The following HSD17B12 variants were observed in gnomAD, a reference collection of about 807,000 sequenced individuals.
HSD17B12 encodes the protein hydroxysteroid 17-beta dehydrogenase 12.
In HSD17B12, 32 loss-of-function variants were observed where a neutral mutation model predicts 39.3. The ratio of observed to expected loss-of-function variants is 0.81; its 90% confidence interval spans 0.61 to 1.09. The LOEUF is 1.09. Ranked by LOEUF, HSD17B12 falls within the 50% of genes least tolerant of loss-of-function variation. The probability of loss-of-function intolerance (pLI) is 0.00; values close to 1 mark genes in which losing one functional copy is unlikely to be tolerated. For synonymous variants in HSD17B12, 150 were observed against 146.7 expected (o/e 1.02, Z -0.16); for missense variants, 342 against 382.9 (o/e 0.89, Z 0.89).
intron 1 of HSD17B12, among the ~76,000 whole-genome samples, chr11:43,741,106 A>T (rs957741993): frequency 6.6e-6 from 1 of 152,158 alleles, no homozygotes; most frequent in African/African-American, 2.4e-5. Context: ...GAAAATTGGT[A>T]TTATAAGGGT....
intron 1 of HSD17B12, among the ~76,000 whole-genome samples, chr11:43,713,488 A>G (rs1038911875): frequency 2.0e-5 from 3 of 151,976 alleles, no homozygotes; most frequent in Admixed American, 6.6e-5. Context: ...ATAGTATTCC[A>G]TGGTGTATAT....
chr11:43,755,227 C>T (rs1234505074), intron 3 of HSD17B12: 2 of 191,410 alleles, frequency 1.0e-5, no homozygotes, highest in African/African-American at 4.6e-5. Context: ...AGTAAAATTA[C>T]TTCTTTGAAA....
At chr11:43,742,139 A>ATATTTTT (rs61178234) in intron 1 of HSD17B12, among the ~76,000 whole-genome samples, 11 of 123,506 alleles carry the variant, frequency 8.9e-5, no homozygotes, top group African/African-American at 1.8e-4. Context: ...ATATATATAT[A>ATATTTTT]TTTTTTTTTT....
At chr11:43,562,606 G>C in the HSD17B12 span, among the ~76,000 whole-genome samples, 1 of 152,182 alleles carries the variant, frequency 6.6e-6, no homozygotes, top group African/African-American at 2.4e-5. Context: ...TCAGAAAAAT[G>C]ACTTGGGAAC....
chr11:43,657,751 G>C, the HSD17B12 span, among the ~76,000 whole-genome samples: 15 of 152,326 alleles, frequency 9.8e-5, no homozygotes, highest in East Asian at 2.9e-3. Context: ...CTGGCTTATA[G>C]AGTTTCTGCT....
chr11:43,815,881 A>G (rs1951117739), intron 5 of HSD17B12, among the ~76,000 whole-genome samples: 1 of 152,194 alleles, frequency 6.6e-6, no homozygotes. Flanking sequence ...ATATACAGCA[A>G]CGTGGTTGAT....
chr11:43,681,205 C>G, intron 1 of HSD17B12: 1 of 1,295,864 alleles, frequency 7.7e-7, no homozygotes, highest in Non-Finnish European at 9.9e-7. Context: ...ACTGCTCGCT[C>G]AATCCTGGGA....
chr11:43,677,214 A>G (rs1397333115), upstream of HSD17B12, among the ~76,000 whole-genome samples: 7 of 152,174 alleles, frequency 4.6e-5, no homozygotes, highest in Non-Finnish European at 1.0e-4. Context: ...CTCAAATTGA[A>G]TCTTATCAAA....
chr11:43,777,808 A>G (rs1018074292), intron 3 of HSD17B12, among the ~76,000 whole-genome samples: 1 of 152,226 alleles, frequency 6.6e-6, no homozygotes, highest in Non-Finnish European at 1.5e-5. Context: ...ACAACATACC[A>G]GAATCTCTGG....
At chr11:43,661,471 C>T in the HSD17B12 span, among the ~76,000 whole-genome samples, 9 of 152,246 alleles carry the variant, frequency 5.9e-5, no homozygotes, top group East Asian at 1.2e-3. Context: ...AAAAAGTGTT[C>T]GTGCAATTTA....
intron 4 of HSD17B12, among the ~76,000 whole-genome samples, chr11:43,799,907 C>A (rs769355304): frequency 6.6e-6 from 1 of 152,202 alleles, no homozygotes; most frequent in Admixed American, 6.5e-5. Flanking sequence ...CCATATCACA[C>A]ATCACCATGC....
Position 43,705,292 on chromosome 11 carries a change from A to C in HSD17B12, c.160+24305A>C, listed in dbSNP as rs530905136. On this transcript the variant is annotated intron_variant, in intron 1 of 10. Transcript: ENST00000278353. Reference sequence around the variant, plus strand: ...AGGTTTATACTTTATAAAACCAAAGAGTAGAGGTATGTGGGAATTGTCTTA... The same window carrying C: ...AGGTTTATACTTTATAAAACCAAAGCGTAGAGGTATGTGGGAATTGTCTTA... Among the ~76,000 whole-genome samples, 43 of 152,354 alleles carry C rather than the reference A, an allele frequency of 2.8e-4. 1 individual carries two copies. In the South Asian group the frequency reaches 6.2e-3, roughly 22 times the overall value.
At chr11:43,587,686 T>A in the HSD17B12 span, among the ~76,000 whole-genome samples, 4 of 152,250 alleles carry the variant, frequency 2.6e-5, no homozygotes, top group Non-Finnish European at 2.9e-5. Flanking sequence ...CTCAGCCTGG[T>A]CCTGCAGAAT....
chr11:43,630,766 T>G, the HSD17B12 span, among the ~76,000 whole-genome samples: 1 of 152,134 alleles, frequency 6.6e-6, no homozygotes, highest in African/African-American at 2.4e-5. Context: ...AACATTGATC[T>G]TTAAGCAAGG....
the HSD17B12 span, among the ~76,000 whole-genome samples, chr11:43,587,378 T>C: frequency 3.9e-5 from 6 of 152,276 alleles, no homozygotes; most frequent in African/African-American, 1.4e-4. Flanking sequence ...CTAGGTTCCA[T>C]AGACCCCAAG....
At chr11:43,834,703 T>C (rs552707430) in intron 7 of HSD17B12, among the ~76,000 whole-genome samples, 1 of 152,246 alleles carries the variant, frequency 6.6e-6, no homozygotes, top group Non-Finnish European at 1.5e-5. Flanking sequence ...TTATTGGGAA[T>C]TTCACAGGTC....
intron 3 of HSD17B12, among the ~76,000 whole-genome samples, chr11:43,760,232 C>T (rs187806150): frequency 4.1e-4 from 63 of 152,012 alleles, no homozygotes; most frequent in Admixed American, 2.5e-3. Context: ...GTATTTTTCG[C>T]AGAAACAGGG....
At chr11:43,619,215 AATATATATATATGATATAT>A in the HSD17B12 span, among the ~76,000 whole-genome samples, 2 of 67,316 alleles carry the variant, frequency 3.0e-5, no homozygotes, top group African/African-American at 1.3e-4. Flanking sequence ...ATATATATAA[AATATATATATATGATATAT>A]ATATATATAA....
At chr11:43,715,746 G>A (rs527643561) in intron 1 of HSD17B12, among the ~76,000 whole-genome samples, 2 of 152,092 alleles carry the variant, frequency 1.3e-5, no homozygotes, top group South Asian at 2.1e-4. Flanking sequence ...CTGTGAATCT[G>A]TCTAGTCACC....
Sources: gnomAD v4.1 joint callset for allele counts (sites outside exome capture counted in the v4.1 genomes callset) on GRCh38, gnomAD v4.1.1 for gene constraint, MANE v1.5 for transcripts, NCBI Gene and HGNC (gene_info 2026-07-23, HGNC 2026-07-21) for gene names.